Variants in WASHC2A observed in about 807,000 individuals in gnomAD.
The protein encoded by WASHC2A is WASH complex subunit FAM21A.
A neutral mutation model predicts 140.3 loss-of-function variants in WASHC2A; 82 were observed. That is an observed-to-expected ratio of 0.58 (90% CI 0.49 to 0.70). The LOEUF is 0.70. Ranked by LOEUF, WASHC2A falls within the 30% of genes least tolerant of loss-of-function variation. The pLI is 0.00. For missense variants in WASHC2A, 985 were observed against 1,521.8 expected (o/e 0.65, Z 5.87); for synonymous variants, 340 against 560.8 (o/e 0.61, Z 5.56).
At chr10:50,094,551 G>A (rs1840263755) in intron 13 of WASHC2A, among the ~76,000 whole-genome samples, 2 of 152,174 alleles carry the variant, frequency 1.3e-5, no homozygotes, top group African/African-American at 2.4e-5. Context: ...GGTAGTTCTT[G>A]GGACTTGGGA....
At chr10:50,068,357 G>A (rs1589130489) in intron 2 of WASHC2A, 130 bp downstream of exon 2, 1 of 1,174,232 alleles carries the variant, frequency 8.5e-7, no homozygotes, top group East Asian at 2.6e-5. Context: ...CACACGCCCC[G>A]TTTAGCCCCC....
intron 17 of WASHC2A, among the ~76,000 whole-genome samples, chr10:50,100,771 G>A (rs1589224213): frequency 6.6e-6 from 1 of 152,218 alleles, no homozygotes; most frequent in African/African-American, 2.4e-5. Flanking sequence ...CTGTCTTGTC[G>A]AGACTGAGAC....
At position 50,095,211 on chromosome 10, in the gene WASHC2A, A is replaced by G; in HGVS notation, c.1240+4A>G. ...GGAGCTGTTTCTGTATTTTTAGGTA[A>G]CATAACTTAGGTTTGTTTTCTAAAA... On this transcript the variant is annotated splice_donor_region_variant and intron_variant, in intron 14 of 30. Coordinates refer to ENST00000282633, the MANE Select transcript of WASHC2A (RefSeq NM_001005751.3). The G allele has an allele frequency of 5.1e-6, 8 of 1,571,404 alleles. No individual in the cohort carries two copies. The Admixed American group carries it at 1.3e-4, about 26-fold the overall frequency.
At chr10:50,111,733 A>T (rs1411584409) in intron 20 of WASHC2A, among the ~76,000 whole-genome samples, 6,171 of 149,664 alleles carry the variant, frequency 0.041, no homozygotes, top group African/African-American at 0.075. Context: ...GTCTTGTTTC[A>T]TAAGAAGCCT....
At chr10:50,081,266 G>A (rs1237463639) in intron 5 of WASHC2A, among the ~76,000 whole-genome samples, 1 of 134,486 alleles carries the variant, frequency 7.4e-6, no homozygotes, top group Non-Finnish European at 1.6e-5. Flanking sequence ...TGGAATTTTG[G>A]GGCAAAGATG....
At chr10:50,112,128 T>C (rs1842342802) in intron 20 of WASHC2A, 1 of 984,746 alleles carries the variant, frequency 1.0e-6, no homozygotes. Flanking sequence ...CACCCTCAGC[T>C]GAGCATTTTC....
intron 19 of WASHC2A, 104 bp from the exon 20 acceptor site, chr10:50,109,997 G>C (rs1484044473): frequency 1.8e-5 from 21 of 1,175,694 alleles, no homozygotes; most frequent in Middle Eastern, 2.8e-4. Flanking sequence ...GTCTTGATCT[G>C]CTGATCTCGT....
At chr10:50,097,537 A>G in intron 15 of WASHC2A, 138 bp from the exon 16 acceptor site, 1 of 693,674 alleles carries the variant, frequency 1.4e-6, no homozygotes, top group South Asian at 1.9e-5. Context: ...AGTTCCACTT[A>G]CTATTTCTTT....
chr10:50,101,624 A>G (rs1295144179), intron 17 of WASHC2A, among the ~76,000 whole-genome samples: 2 of 152,296 alleles, frequency 1.3e-5, no homozygotes, highest in Admixed American at 6.5e-5. Context: ...TGATTAGACA[A>G]GAAAACCAAA....
At chr10:50,112,763 C>T (rs1216862289) in intron 20 of WASHC2A, among the ~76,000 whole-genome samples, 1 of 150,598 alleles carries the variant, frequency 6.6e-6, no homozygotes, top group Non-Finnish European at 1.5e-5. Context: ...ATGAATGAAC[C>T]TAGAAAATTT....
chr10:50,091,555 A>C, intron 10 of WASHC2A, 37 bp downstream of exon 10: 1 of 1,547,778 alleles, frequency 6.5e-7, no homozygotes, highest in Non-Finnish European at 8.7e-7. Context: ...GTAGGGGGGG[A>C]GTAGTGCAGG....
In WASHC2A at chr10:50,097,722, C is replaced by G. The variant is rs782484177; in HGVS notation, c.1468C>G (p.Leu490Val). 6.2e-7 allele frequency: 1 copy of G among 1,604,008 alleles called. No individual in the cohort carries two copies. The highest frequency in any genetic ancestry group is 8.5e-7 in the Non-Finnish European group (1 of 1,176,044). Reference protein sequence around the residue: ...ADIFGDEEGDLFKEKAVASPE... With the variant: ...ADIFGDEEGDVFKEKAVASPE... The stretch of plus-strand genomic sequence containing the variant: ...TATCTTTGGTGACGAAGAAGGAGAT[C>G]TGTTCAAAGAAAAAGCCGTAGCATC... The change falls in exon 16 of 31, where the codon CTG becomes GTG. Residue 490 changes from leucine (L) to valine (V), a missense_variant. By Grantham distance (32) the Leu-to-Val change is conservative (BLOSUM62 1). Coordinates refer to ENST00000282633, the MANE Select transcript of WASHC2A (RefSeq NM_001005751.3).
chr10:50,130,470 T>G (rs1843854025), intron 29 of WASHC2A, among the ~76,000 whole-genome samples: 1 of 151,836 alleles, frequency 6.6e-6, no homozygotes, highest in Non-Finnish European at 1.5e-5. Flanking sequence ...TGGCATTTGC[T>G]CAGCAGATGT....
intron 3 of WASHC2A, among the ~76,000 whole-genome samples, chr10:50,075,176 A>C (rs140952610): frequency 0.21 from 32,127 of 151,602 alleles, 3,709 homozygotes; most frequent in Admixed American, 0.29. Flanking sequence ...ATCATAATTT[A>C]TTTAATAATC....
At chr10:50,072,225 C>T (rs1447579433) in intron 3 of WASHC2A, among the ~76,000 whole-genome samples, 1 of 149,262 alleles carries the variant, frequency 6.7e-6, no homozygotes, top group Non-Finnish European at 1.5e-5. Flanking sequence ...GCTAGGATTA[C>T]AGGCGCGAGC....
Position 50,133,504 on chromosome 10 carries a change from A to G in WASHC2A, c.*559A>G, listed in dbSNP as rs1589300817. On this transcript the variant is annotated 3_prime_UTR_variant, in exon 31 of 31. Transcript: ENST00000282633. Reference sequence around the variant, plus strand: ...GTTAATAAAATTTTATTGGAACACAACCACATTCATTTGTTTACTTACTGT... The same window carrying G: ...GTTAATAAAATTTTATTGGAACACAGCCACATTCATTTGTTTACTTACTGT... 5 of 468,982 alleles carry G rather than the reference A, an allele frequency of 1.1e-5. No homozygotes were observed. Among genetic ancestry groups the G allele is most frequent in the Non-Finnish European group, 8.8e-6 (2 of 226,974 alleles). 29.1% of individuals were successfully genotyped at this position (468,982 alleles called of 1,614,324 possible).
At chr10:50,130,143 C>G (rs1843812716) in intron 29 of WASHC2A, 104 bp downstream of exon 29, 2 of 1,396,236 alleles carry the variant, frequency 1.4e-6, no homozygotes, top group African/African-American at 2.8e-5. Context: ...GTGCATACCC[C>G]ATAGCCACTT....
chr10:50,082,559 C>T (rs1182997178), intron 5 of WASHC2A, among the ~76,000 whole-genome samples: 4 of 149,326 alleles, frequency 2.7e-5, no homozygotes, highest in Non-Finnish European at 4.4e-5. Flanking sequence ...CTCACTGCAG[C>T]TTCTGTCTCC....
intron 3 of WASHC2A, among the ~76,000 whole-genome samples, chr10:50,077,083 C>G (rs1438408862): frequency 6.7e-6 from 1 of 149,064 alleles, no homozygotes; most frequent in Non-Finnish European, 1.5e-5. Context: ...CACCACTGCA[C>G]TCCAGCCTTG....
Sources: allele counts gnomAD v4.1 joint callset (sites outside exome capture counted in the v4.1 genomes callset), GRCh38; gene constraint gnomAD v4.1.1; transcripts MANE v1.5; gene names NCBI Gene and HGNC (gene_info 2026-07-23, HGNC 2026-07-21).